KLF12: variants seen among roughly 807,000 people sequenced by gnomAD.
KLF12 encodes KLF transcription factor 12, also known as Krueppel-like factor 12.
In KLF12, 9 loss-of-function variants were observed where a neutral mutation model predicts 37.8. That is an observed-to-expected ratio of 0.24 (90% CI 0.14 to 0.42). The LOEUF is 0.42. Among genes scored for constraint, KLF12 ranks in the 10% least tolerant of loss-of-function variants. KLF12 has a pLI of 1.00. For synonymous variants in KLF12, 208 were observed against 202.1 expected, an observed-to-expected ratio of 1.03 and a Z score of -0.25; for missense variants, 411 against 516.0, an observed-to-expected ratio of 0.80 and a Z score of 1.97.
chr13:73,917,445 T>A (rs1888901688), intron 3 of KLF12, among the ~76,000 whole-genome samples: 1 of 152,204 alleles, frequency 6.6e-6, no homozygotes, highest in Admixed American at 6.5e-5. Context: ...TATTTTTAAA[T>A]ACCTATGTTT....
At chr13:73,734,697 A>G (rs1425288096) in intron 6 of KLF12, among the ~76,000 whole-genome samples, 1 of 152,202 alleles carries the variant, frequency 6.6e-6, no homozygotes, top group Admixed American at 6.5e-5. Flanking sequence ...ATTCTGAATA[A>G]TAGCAATAAT....
the KLF12 span, among the ~76,000 whole-genome samples, chr13:74,170,872 CT>C: frequency 6.6e-6 from 1 of 152,186 alleles, no homozygotes; most frequent in African/African-American, 2.4e-5. Context: ...TCAAGTGGTT[CT>C]CCTGCCTCAG....
At chr13:74,053,516 A>G (rs1021988182) in intron 1 of KLF12, among the ~76,000 whole-genome samples, 1 of 152,188 alleles carries the variant, frequency 6.6e-6, no homozygotes, top group African/African-American at 2.4e-5. Flanking sequence ...TGAGGAAACT[A>G]AAGTATAGAG....
At chr13:74,118,718 C>G (rs1308968939) in intron 1 of KLF12, among the ~76,000 whole-genome samples, 1 of 152,154 alleles carries the variant, frequency 6.6e-6, no homozygotes, top group Non-Finnish European at 1.5e-5. Flanking sequence ...TCACCCCCGC[C>G]AAAACCCAAT....
intron 7 of KLF12, among the ~76,000 whole-genome samples, 167 bp downstream of exon 7, chr13:73,715,201 C>T (rs1875706236): frequency 6.6e-6 from 1 of 152,104 alleles, no homozygotes; most frequent in Admixed American, 6.6e-5. Flanking sequence ...ACTGGTTTCT[C>T]AAGTTTCTCT....
intron 3 of KLF12, among the ~76,000 whole-genome samples, chr13:73,943,126 C>T (rs1325889042): frequency 2.0e-5 from 3 of 152,086 alleles, no homozygotes; most frequent in Non-Finnish European, 4.4e-5. Flanking sequence ...CAAAACATTG[C>T]TAATTTTTAG....
At chr13:73,832,172 C>T (rs1165970839) in intron 4 of KLF12, among the ~76,000 whole-genome samples, 1 of 152,314 alleles carries the variant, frequency 6.6e-6, no homozygotes, top group East Asian at 1.9e-4. Flanking sequence ...TCATGGGCTA[C>T]TTTCCAGTAC....
chr13:74,147,508 T>C, the KLF12 span, among the ~76,000 whole-genome samples: 1 of 152,334 alleles, frequency 6.6e-6, no homozygotes, highest in Non-Finnish European at 1.5e-5. Flanking sequence ...TTTCCCAAAA[T>C]ATGTAGTCAC....
chr13:73,954,221 G>A (rs547422371), intron 2 of KLF12, among the ~76,000 whole-genome samples: 1 of 151,976 alleles, frequency 6.6e-6, no homozygotes, highest in East Asian at 1.9e-4. Context: ...TTTGTGATCC[G>A]CCCACCTGGG....
chr13:74,276,828 C>G, the KLF12 span, among the ~76,000 whole-genome samples: 1 of 152,196 alleles, frequency 6.6e-6, no homozygotes, highest in Non-Finnish European at 1.5e-5. Context: ...CATGGTTTTA[C>G]CTTTAACTCC....
At chr13:73,879,589 A>G (rs559993191) in intron 3 of KLF12, among the ~76,000 whole-genome samples, 36 of 152,254 alleles carry the variant, frequency 2.4e-4, no homozygotes, top group Non-Finnish European at 3.5e-4. Flanking sequence ...AGACAAGGGG[A>G]GGTATATAAA....
chr13:74,301,520 A>T, the KLF12 span, among the ~76,000 whole-genome samples: 3 of 152,256 alleles, frequency 2.0e-5, no homozygotes, highest in Non-Finnish European at 1.5e-5. Context: ...CGTGAGTTTT[A>T]TTATTTTTAG....
At chr13:73,847,584 G>T (rs1203764696) in intron 3 of KLF12, among the ~76,000 whole-genome samples, 2 of 152,078 alleles carry the variant, frequency 1.3e-5, no homozygotes, top group Non-Finnish European at 2.9e-5. Context: ...AGAAAAGAAA[G>T]AAAATAAATC....
At chr13:74,108,897 A>G (rs1876822539) in intron 1 of KLF12, among the ~76,000 whole-genome samples, 1 of 152,334 alleles carries the variant, frequency 6.6e-6, no homozygotes, top group Middle Eastern at 3.4e-3. Context: ...AAATCCATGT[A>G]TAAGTAGACC....
At chr13:74,057,469 C>T (rs76976840) in intron 1 of KLF12, among the ~76,000 whole-genome samples, 263 of 152,266 alleles carry the variant, frequency 1.7e-3, no homozygotes, top group African/African-American at 6.1e-3. Flanking sequence ...GCAATCGAAA[C>T]GATGGCTACA....
At chr13:73,936,868 G>A (rs932168956) in intron 3 of KLF12, among the ~76,000 whole-genome samples, 7 of 152,062 alleles carry the variant, frequency 4.6e-5, no homozygotes, top group Non-Finnish European at 8.8e-5. Context: ...AATCCTTTGT[G>A]GTCAGAAGCA....
At chr13:74,264,427 T>C in the KLF12 span, among the ~76,000 whole-genome samples, 1 of 152,196 alleles carries the variant, frequency 6.6e-6, no homozygotes, top group Non-Finnish European at 1.5e-5. Context: ...ACACATTACT[T>C]ATCCCCTCTT....
the KLF12 span, among the ~76,000 whole-genome samples, chr13:74,151,148 G>A: frequency 6.6e-6 from 1 of 152,204 alleles, no homozygotes; most frequent in East Asian, 1.9e-4. Context: ...GTAATTGCAA[G>A]TGTGGATAGA....
At chr13:74,243,291 T>G in the KLF12 span, among the ~76,000 whole-genome samples, 1 of 152,230 alleles carries the variant, frequency 6.6e-6, no homozygotes, top group South Asian at 2.1e-4. Context: ...GAATTCATTT[T>G]TTTTATGGCT....
Sources: allele counts gnomAD v4.1 joint callset (sites outside exome capture counted in the v4.1 genomes callset), GRCh38; gene constraint gnomAD v4.1.1; transcripts MANE v1.5; gene names NCBI Gene and HGNC (gene_info 2026-07-23, HGNC 2026-07-21).